The following PCDHGB2 variants were observed in gnomAD, a reference collection of about 807,000 sequenced individuals.
The protein encoded by PCDHGB2 is protocadherin gamma-B2.
Under a neutral mutation model 59.3 loss-of-function variants are expected in PCDHGB2, and 55 were observed. That is an observed-to-expected ratio of 0.93 (90% CI 0.75 to 1.16). PCDHGB2 has a LOEUF of 1.16. Among genes scored for constraint, PCDHGB2 ranks in the 50% most tolerant of loss-of-function variants. PCDHGB2 has a pLI of 0.00. For missense variants in PCDHGB2, 1,228 were observed against 1,198.5 expected (o/e 1.02, Z -0.36); for synonymous variants, 516 against 512.0 (o/e 1.01, Z -0.11).
chr5:141,418,434 C>T, intron 1 of PCDHGB2: 5 of 1,613,944 alleles, frequency 3.1e-6, no homozygotes, highest in Non-Finnish European at 4.2e-6. Context: ...GGCAAATATC[C>T]AGAATTAGTA....
intron 1 of PCDHGB2, chr5:141,370,629 C>G: frequency 6.2e-7 from 1 of 1,613,860 alleles, no homozygotes; most frequent in Non-Finnish European, 8.5e-7. Flanking sequence ...TACCGTGAGC[C>G]CCGAAAATGG....
chr5:141,503,528 G>A (rs1411240550), intron 2 of PCDHGB2, among the ~76,000 whole-genome samples: 2 of 151,470 alleles, frequency 1.3e-5, no homozygotes, highest in Non-Finnish European at 2.9e-5. Flanking sequence ...GAACCTGGGA[G>A]GCAGAGGTTG....
intron 1 of PCDHGB2, chr5:141,365,202 C>G (rs1763792764): frequency 6.2e-7 from 1 of 1,613,774 alleles, no homozygotes; most frequent in Non-Finnish European, 8.5e-7. Context: ...ATTTCGGAGA[C>G]TTTCCAACTT....
rs776004958 is a variant in PCDHGB2 at position 141,410,344 on chromosome 5, C to T, written c.2421+47788C>T. 6 of 1,614,006 alleles carry T rather than the reference C, an allele frequency of 3.7e-6. No individual in the cohort carries two copies. In the South Asian group the frequency reaches 6.6e-5, roughly 18 times the overall value. On this transcript the variant is annotated intron_variant, in intron 1 of 3. Transcript: ENST00000522605. ...CCGTGATTCTGGCCATTGCCTTGCG[C>T]CTGCGACGCTCTCTCAGCCCTGCTA...
At chr5:141,478,332 G>A (rs773442842) in intron 1 of PCDHGB2, 1 of 1,613,924 alleles carries the variant, frequency 6.2e-7, no homozygotes, top group Non-Finnish European at 8.5e-7. Context: ...CGAACACCAG[G>A]GCCCTCCTTG....
In PCDHGB2 at chr5:141,487,087, C is replaced by G. The variant is rs752261507; in HGVS notation, c.2422-7720C>G. 1.2e-6 allele frequency: 2 copies of G among 1,613,890 alleles called. No homozygotes were observed. Among genetic ancestry groups the G allele is most frequent in the Non-Finnish European group, 1.7e-6 (2 of 1,179,804 alleles). ...CGGCTGTTCCTATCCCAGCTGACCT[C>G]CCACCACAGAAGCTGGTCATTGTGG... On this transcript the variant is annotated intron_variant, in intron 1 of 3. Transcript: ENST00000522605. The surrounding 1 kb of genome is among the most constrained non-coding windows in gnomAD (Gnocchi z 5.0).
At chr5:141,423,695 G>T in intron 1 of PCDHGB2, 1 of 1,338,020 alleles carries the variant, frequency 7.5e-7, no homozygotes, top group Non-Finnish European at 9.7e-7. Context: ...AATTGTTGGT[G>T]TCTTGGCACA....
intron 2 of PCDHGB2, among the ~76,000 whole-genome samples, chr5:141,503,075 G>C (rs1373753092): frequency 6.6e-6 from 1 of 151,438 alleles, no homozygotes; most frequent in Non-Finnish European, 1.5e-5. Context: ...GAATGGTCTC[G>C]ATCTCCTGAC....
chr5:141,375,378 T>G, intron 1 of PCDHGB2: 1 of 1,613,954 alleles, frequency 6.2e-7, no homozygotes, highest in Non-Finnish European at 8.5e-7. Context: ...ACACCACCTC[T>G]GTCTACAGAA....
At chr5:141,410,849 C>CTTTTTTTTTTTTTTTTTTTCTT (rs2095436178) in intron 1 of PCDHGB2, 1 of 129,786 alleles carries the variant, frequency 7.7e-6, no homozygotes, top group Non-Finnish European at 1.3e-5. Context: ...TTGTCTTTGT[C>CTTTTTTTTTTTTTTTTTTTCTT]TTTTTTTTTT....
intron 1 of PCDHGB2, among the ~76,000 whole-genome samples, chr5:141,460,104 T>C (rs2098982178): frequency 6.6e-6 from 1 of 151,986 alleles, no homozygotes; most frequent in African/African-American, 2.4e-5. Flanking sequence ...CATGTAATTA[T>C]ATATGATTTT....
chr5:141,415,935 C>A, intron 1 of PCDHGB2: 1 of 601,886 alleles, frequency 1.7e-6, no homozygotes, highest in Non-Finnish European at 2.4e-6. Context: ...TTTATATTTC[C>A]TCCTGGGTGG....
In PCDHGB2 at chr5:141,360,507, G is replaced by A. The variant is rs1054504222; in HGVS notation, c.372G>A (p.Gln124=). The A allele has an allele frequency of 6.2e-7, 1 of 1,613,916 alleles. No homozygotes were observed. The highest frequency in any genetic ancestry group is 1.3e-5 in the African/African-American group (1 of 75,016). ...TTTTCTACATAGCAGTAATTGTGCA[G>A]GATATAAATGATAATACCCCGCTAT... ...LNIFYIAVIV[Q]DINDNTPLFK... Residue 124 remains glutamine (Q), a synonymous_variant, in exon 1 of 4, where the codon CAG becomes CAA. Coordinates refer to ENST00000522605, the MANE Select transcript of PCDHGB2 (RefSeq NM_018923.3).
chr5:141,390,179 A>G (rs1561630532), intron 1 of PCDHGB2: 1 of 1,614,044 alleles, frequency 6.2e-7, no homozygotes, highest in African/African-American at 1.3e-5. Flanking sequence ...TTAATTTCCT[A>G]AAATGTAGTG....
At chr5:141,374,035 A>G in intron 1 of PCDHGB2, 1 of 1,444,760 alleles carries the variant, frequency 6.9e-7, no homozygotes, top group Non-Finnish European at 9.1e-7. Context: ...AGTGATGCAG[A>G]TCTGTTCTTC....
At chr5:141,385,709 A>G (rs2090329249) in intron 1 of PCDHGB2, 1 of 259,144 alleles carries the variant, frequency 3.9e-6, no homozygotes, top group Non-Finnish European at 6.2e-6. Context: ...TAGCATTCAA[A>G]TATGTAAAAG....
At chr5:141,442,006 G>T (rs540427406) in intron 1 of PCDHGB2, 2 of 229,074 alleles carry the variant, frequency 8.7e-6, no homozygotes, top group South Asian at 4.9e-5. Flanking sequence ...CTGACAGCTC[G>T]CACGATGGGC....
At chr5:141,478,618 G>A (rs1374855853) in intron 1 of PCDHGB2, 1 of 1,556,056 alleles carries the variant, frequency 6.4e-7, no homozygotes, top group Non-Finnish European at 8.7e-7. Flanking sequence ...GGAAGGAATG[G>A]AGCTGTTTTT....
chr5:141,365,735 GTC>G (rs779265335), intron 1 of PCDHGB2: 509 of 1,613,626 alleles, frequency 3.2e-4, no homozygotes, highest in Non-Finnish European at 3.1e-4. Flanking sequence ...TCCCAGAGGT[GTC>G]TCTATCTTCT....
Sources: allele counts gnomAD v4.1 joint callset (sites outside exome capture counted in the v4.1 genomes callset), GRCh38; gene constraint gnomAD v4.1.1; non-coding constraint Gnocchi (gnomAD v3.1); transcripts MANE v1.5; gene names NCBI Gene and HGNC (gene_info 2026-07-23, HGNC 2026-07-21).